LHFPL2: variants seen among roughly 807,000 people sequenced by gnomAD.
LHFPL2 encodes LHFPL tetraspan subfamily member 2 protein.
LHFPL2 carries 7 observed loss-of-function variants against 17.5 expected under a neutral mutation model. The observed-to-expected ratio is 0.40, with a 90% CI of 0.23 to 0.75. The LOEUF is 0.75. LHFPL2 is among the 30% of genes least tolerant of loss of function. The probability of loss-of-function intolerance (pLI) is 0.37; values close to 1 mark genes in which losing one functional copy is unlikely to be tolerated. For missense variants in LHFPL2, 241 were observed against 294.8 expected (o/e 0.82, Z 1.34); for synonymous variants, 134 against 116.2 (o/e 1.15, Z -0.99).
intron 3 of LHFPL2, among the ~76,000 whole-genome samples, chr5:78,558,371 A>G (rs998202816): frequency 1.1e-4 from 17 of 152,214 alleles, no homozygotes; most frequent in Admixed American, 2.0e-4. Context: ...GTTAAAATAA[A>G]AAAGCTTTCT....
At chr5:78,579,055 A>G (rs1396624148) in intron 2 of LHFPL2, among the ~76,000 whole-genome samples, 2 of 152,188 alleles carry the variant, frequency 1.3e-5, no homozygotes, top group Non-Finnish European at 2.9e-5. Context: ...TATTAACTTG[A>G]ACCCAGTATC....
chr5:78,640,696 T>A (rs934142538), intron 1 of LHFPL2, among the ~76,000 whole-genome samples: 1 of 152,206 alleles, frequency 6.6e-6, no homozygotes, highest in African/African-American at 2.4e-5. Context: ...CCCATTAAGA[T>A]AACCAGTTAA....
intron 3 of LHFPL2, among the ~76,000 whole-genome samples, chr5:78,563,948 A>G (rs867907079): frequency 5.9e-5 from 9 of 152,228 alleles, no homozygotes; most frequent in Non-Finnish European, 1.2e-4. Context: ...ATTTCATAAC[A>G]TAAGAGCAAT....
At chr5:78,632,944 C>CGG (rs376215908) in intron 1 of LHFPL2, among the ~76,000 whole-genome samples, 2 of 151,994 alleles carry the variant, frequency 1.3e-5, no homozygotes, top group African/African-American at 4.8e-5. Context: ...AACAGCAAGA[C>CGG]GGGGGGGTCC....
At chr5:78,526,756 A>G (rs1363617220) in intron 3 of LHFPL2, among the ~76,000 whole-genome samples, 1 of 152,172 alleles carries the variant, frequency 6.6e-6, no homozygotes, top group Admixed American at 6.5e-5. Context: ...GTTATTGTCA[A>G]TTGAATGCAC....
At chr5:78,515,328 AC>A (rs11285263) in intron 3 of LHFPL2, among the ~76,000 whole-genome samples, 62,070 of 151,970 alleles carry the variant, frequency 0.41, 13,265 homozygotes, top group African/African-American at 0.52. Context: ...TAGTTGTCCT[AC>A]AAAATACTTG....
At chr5:78,592,192 C>T (rs1580840421) in intron 2 of LHFPL2, among the ~76,000 whole-genome samples, 1 of 152,182 alleles carries the variant, frequency 6.6e-6, no homozygotes, top group East Asian at 1.9e-4. Flanking sequence ...GAACTCCAGC[C>T]AGGAAATTCT....
At chr5:78,493,708 C>G (rs1303133308) in intron 4 of LHFPL2, among the ~76,000 whole-genome samples, 1 of 152,086 alleles carries the variant, frequency 6.6e-6, no homozygotes, top group Non-Finnish European at 1.5e-5. Context: ...AAATAGAGAC[C>G]TTTGGGTGAT....
chr5:78,635,834 AAAC>A (rs1745429142), intron 1 of LHFPL2, among the ~76,000 whole-genome samples: 1 of 151,394 alleles, frequency 6.6e-6, no homozygotes. Context: ...CAACAACAAA[AAAC>A]AACCAACCAA....
At chr5:78,535,286 C>G (rs187246840) in intron 3 of LHFPL2, among the ~76,000 whole-genome samples, 8 of 152,312 alleles carry the variant, frequency 5.3e-5, no homozygotes, top group Non-Finnish European at 8.8e-5. Context: ...CTTCCACCCA[C>G]CTCCTCCCTG....
At chr5:78,539,401 T>C (rs1456635089) in intron 3 of LHFPL2, among the ~76,000 whole-genome samples, 4 of 152,196 alleles carry the variant, frequency 2.6e-5, no homozygotes, top group African/African-American at 4.8e-5. Context: ...AAGACAACCC[T>C]TGAAGCCTGT....
At chr5:78,644,045 G>A (rs372512156) in intron 1 of LHFPL2, among the ~76,000 whole-genome samples, 4 of 152,304 alleles carry the variant, frequency 2.6e-5, no homozygotes, top group African/African-American at 9.6e-5. Context: ...CTGGGTGACA[G>A]AGAGAGACTT....
Position 78,485,700 on chromosome 5 carries a change from T to TAA in LHFPL2, c.*3195_*3196dup, listed in dbSNP as rs1754215119. On this transcript the variant is annotated 3_prime_UTR_variant, in exon 5 of 5. Coordinates refer to ENST00000380345, the MANE Select transcript of LHFPL2 (RefSeq NM_005779.3). ...ATTAGCATGGTCTATAAAAGCATGT[T>TAA]AAGAAATAGCTCCTCAGTGATTATG... 1 of 152,700 alleles carries TAA rather than the reference T, an allele frequency of 6.5e-6. No individual in the cohort carries two copies. Among genetic ancestry groups the TAA allele is most frequent in the Non-Finnish European group, 1.5e-5 (1 of 68,010 alleles). The allele number at this position is 152,700 out of a possible 1,614,324, so 9.5% of individuals were successfully genotyped here.
intron 2 of LHFPL2, among the ~76,000 whole-genome samples, chr5:78,608,588 CAAAAA>C (rs10609753): frequency 2.2e-5 from 3 of 138,084 alleles, no homozygotes; most frequent in African/African-American, 5.5e-5. Context: ...ATTCTATTTG[CAAAAA>C]AAAAAAAAAA....
chr5:78,513,161 C>T (rs1440875737), intron 3 of LHFPL2, among the ~76,000 whole-genome samples: 1 of 152,176 alleles, frequency 6.6e-6, no homozygotes, highest in Admixed American at 6.5e-5. Context: ...CGAGTGTCCA[C>T]TGCCCTGGCC....
intron 3 of LHFPL2, among the ~76,000 whole-genome samples, chr5:78,519,427 G>A (rs941868183): frequency 4.6e-5 from 7 of 152,216 alleles, no homozygotes; most frequent in Admixed American, 6.5e-5. Context: ...CCTCTGGGGC[G>A]GGATCTGTCA....
chr5:78,578,430 G>C (rs1254770503), intron 2 of LHFPL2, among the ~76,000 whole-genome samples: 1 of 152,070 alleles, frequency 6.6e-6, no homozygotes, highest in Non-Finnish European at 1.5e-5. Flanking sequence ...GGGGTTTTGG[G>C]GAGTTTTGGA....
chr5:78,628,490 A>G (rs1210768975), intron 2 of LHFPL2, among the ~76,000 whole-genome samples: 1 of 152,156 alleles, frequency 6.6e-6, no homozygotes, highest in Non-Finnish European at 1.5e-5. Context: ...TTTGAACAAG[A>G]TCAGATGTTT....
chr5:78,533,038 CCTCT>C (rs1296596680), intron 3 of LHFPL2, among the ~76,000 whole-genome samples: 5 of 152,186 alleles, frequency 3.3e-5, no homozygotes, highest in African/African-American at 1.2e-4. Flanking sequence ...CTCTCCTCTC[CCTCT>C]CTGAGTCCAC....
Sources: allele counts gnomAD v4.1 joint callset (sites outside exome capture counted in the v4.1 genomes callset), GRCh38; gene constraint gnomAD v4.1.1; transcripts MANE v1.5; gene names NCBI Gene and HGNC (gene_info 2026-07-23, HGNC 2026-07-21).